Variants in STK10 observed in about 807,000 individuals in gnomAD.
The protein encoded by STK10 is serine/threonine kinase 10.
STK10 carries 78 observed loss-of-function variants against 113.8 expected under a neutral mutation model. The observed-to-expected ratio is 0.69, with a 90% CI of 0.57 to 0.83. The LOEUF (loss-of-function observed/expected upper bound fraction) is 0.83, where lower values mean the gene tolerates loss of function less well. STK10 is among the 40% of genes least tolerant of loss of function. The probability of loss-of-function intolerance (pLI) is 0.00; values close to 1 mark genes in which losing one functional copy is unlikely to be tolerated. For synonymous variants in STK10, 465 were observed against 494.7 expected (o/e 0.94, Z 0.80); for missense variants, 1,109 against 1,280.1 (o/e 0.87, Z 2.04).
intron 2 of STK10, among the ~76,000 whole-genome samples, chr5:172,149,580 G>A (rs953624840): frequency 5.4e-5 from 8 of 147,570 alleles, no homozygotes; most frequent in Admixed American, 3.4e-4. Flanking sequence ...AGAGAGGGCA[G>A]GGGTTGGTGA....
chr5:172,070,562 T>A (rs2113714241), intron 12 of STK10, among the ~76,000 whole-genome samples: 2 of 152,176 alleles, frequency 1.3e-5, no homozygotes, highest in South Asian at 4.1e-4. Context: ...AAATCAATGT[T>A]CTAAATGAGC....
intron 4 of STK10, among the ~76,000 whole-genome samples, chr5:172,110,633 GA>G (rs1318333174): frequency 6.6e-6 from 1 of 152,096 alleles, no homozygotes; most frequent in African/African-American, 2.4e-5. Flanking sequence ...GACCAGCGGG[GA>G]CAGGACACAG....
chr5:172,048,002 A>C (rs6555990), intron 18 of STK10, among the ~76,000 whole-genome samples: 1 of 147,724 alleles, frequency 6.8e-6, no homozygotes, highest in African/African-American at 2.5e-5. Flanking sequence ...TCCCGGGTTC[A>C]AGCCATTCTC....
chr5:172,156,309 C>T lies in STK10; in HGVS notation c.321+315G>A, dbSNP rs985082888. 2.0e-5 allele frequency among the ~76,000 whole-genome samples: 3 copies of T among 152,202 alleles called. No homozygotes were observed. The East Asian group carries it at 5.8e-4, about 29-fold the overall frequency. On this transcript the variant is annotated intron_variant, in intron 2 of 18. Transcript: ENST00000176763. ...AGCTAGGTACTATTATTAGCCCCAC[C>T]TTACAGATGGAGAAACTAAGGCATG...
intron 1 of STK10, among the ~76,000 whole-genome samples, chr5:172,183,639 T>C (rs1221358995): frequency 1.3e-5 from 2 of 152,064 alleles, no homozygotes; most frequent in Admixed American, 1.3e-4. Context: ...GTATTTTTAG[T>C]AGAGATGGGG....
At position 172,071,201 on chromosome 5, in the gene STK10, G is replaced by A. The variant is rs114136843; in HGVS notation, c.1990-6389C>T. Among the ~76,000 whole-genome samples the A allele has an allele frequency of 8.6e-3, 840 of 97,240 alleles. 13 individuals are homozygous for A. The highest frequency in any genetic ancestry group is 0.034 in the African/African-American group (804 of 23,444). 63.8% of individuals were successfully genotyped at this position (97,240 alleles called of 152,430 possible). A position where few individuals can be genotyped will look rare whatever the true frequency, so the allele number is the denominator to read the frequency against. On this transcript the variant is annotated intron_variant, in intron 12 of 18. Transcript: ENST00000176763. Reference sequence around the variant, plus strand: ...TCCAGCCTGGGCGACAGAGTGAGACGCTCTCTATCTCAAAAAAAAAAAAAA... The same window carrying A: ...TCCAGCCTGGGCGACAGAGTGAGACACTCTCTATCTCAAAAAAAAAAAAAA...
chr5:172,156,198 A>G (rs543482590), intron 2 of STK10, among the ~76,000 whole-genome samples: 5 of 152,296 alleles, frequency 3.3e-5, no homozygotes, highest in African/African-American at 1.2e-4. Context: ...AAAACAGCCA[A>G]TACTTACCGG....
At chr5:172,060,233 C>T (rs1193633586) in intron 14 of STK10, among the ~76,000 whole-genome samples, 2 of 152,110 alleles carry the variant, frequency 1.3e-5, no homozygotes, top group African/African-American at 2.4e-5. Context: ...CACAGAAGAC[C>T]CCATTTACAC....
rs7720088 is a variant in STK10, at chr5:172,042,978, T to C, written c.*1904A>G. ...TATACAGAACCTTAACCTAGCTGGGTGCAGTAGCATGTATCTGTCGTCCCA... is the reference window on the plus strand; with the variant it reads ...TATACAGAACCTTAACCTAGCTGGGCGCAGTAGCATGTATCTGTCGTCCCA... On this transcript the variant is annotated 3_prime_UTR_variant, in exon 19 of 19. Transcript: ENST00000176763. 27,798 of 152,026 alleles carry C rather than the reference T, an allele frequency of 0.18. 4,967 individuals are homozygous for C. Among genetic ancestry groups the C allele is most frequent in the African/African-American group, 0.47 (19,486 of 41,418 alleles). The allele number at this position is 152,026 out of a possible 1,614,324, so 9.4% of individuals were successfully genotyped here.
intron 17 of STK10, among the ~76,000 whole-genome samples, chr5:172,053,685 G>A (rs1233455325): frequency 6.6e-6 from 1 of 152,246 alleles, no homozygotes. Flanking sequence ...AGGGGGAAGT[G>A]CCTTTATCCA....
intron 2 of STK10, among the ~76,000 whole-genome samples, chr5:172,143,065 A>G (rs939394292): frequency 1.3e-5 from 2 of 152,238 alleles, no homozygotes; most frequent in African/African-American, 4.8e-5. Flanking sequence ...GCGTATAGGC[A>G]GTAGGACCAG....
chr5:172,174,600 G>C (rs1010773629), intron 1 of STK10, among the ~76,000 whole-genome samples: 3 of 152,132 alleles, frequency 2.0e-5, no homozygotes, highest in African/African-American at 7.2e-5. Flanking sequence ...AATAAAGAAG[G>C]AGAAACACAA....
At chr5:172,168,785 C>A (rs1424987423) in intron 1 of STK10, among the ~76,000 whole-genome samples, 2 of 152,174 alleles carry the variant, frequency 1.3e-5, no homozygotes, top group African/African-American at 4.8e-5. Flanking sequence ...GTGCTCTGTG[C>A]CCTCAGCAGC....
At chr5:172,045,585 T>C (rs1767480769) in intron 18 of STK10, 2 of 357,296 alleles carry the variant, frequency 5.6e-6, no homozygotes, top group African/African-American at 2.2e-5. Flanking sequence ...TTCTGTACTG[T>C]ACAAACTCTT....
intron 1 of STK10, among the ~76,000 whole-genome samples, chr5:172,168,215 A>G (rs1443123503): frequency 6.6e-6 from 1 of 152,216 alleles, no homozygotes; most frequent in African/African-American, 2.4e-5. Flanking sequence ...GGTGTCACAC[A>G]ATGTACAGCT....
intron 1 of STK10, among the ~76,000 whole-genome samples, chr5:172,161,641 T>C (rs1442531271): frequency 1.3e-5 from 2 of 152,198 alleles, no homozygotes; most frequent in Non-Finnish European, 2.9e-5. Flanking sequence ...TAATAATATG[T>C]TGGAGTGGAC....
At chr5:172,051,604 C>T (rs559508380) in intron 18 of STK10, among the ~76,000 whole-genome samples, 4 of 152,112 alleles carry the variant, frequency 2.6e-5, no homozygotes, top group South Asian at 2.1e-4. Flanking sequence ...CAGCCTTGGG[C>T]GAAAGAGTGA....
intron 18 of STK10, among the ~76,000 whole-genome samples, chr5:172,050,644 G>C (rs1767607945): frequency 1.3e-5 from 2 of 152,022 alleles, no homozygotes; most frequent in Admixed American, 6.5e-5. Context: ...GACAAAATTT[G>C]AGCATTCAAG....
intron 18 of STK10, 112 bp from the exon 19 acceptor site, chr5:172,045,134 G>C: frequency 1.4e-6 from 2 of 1,465,598 alleles, no homozygotes; most frequent in Non-Finnish European, 1.8e-6. Flanking sequence ...TCCCTTCCAG[G>C]CCTCAGTGCT....
Sources: allele counts gnomAD v4.1 joint callset (sites outside exome capture counted in the v4.1 genomes callset), GRCh38; gene constraint gnomAD v4.1.1; transcripts MANE v1.5; gene names NCBI Gene and HGNC (gene_info 2026-07-23, HGNC 2026-07-21).